Variants in PHF2 observed in about 807,000 individuals in gnomAD.
PHF2 encodes PHD finger protein 2.
PHF2 carries 27 observed loss-of-function variants against 120.5 expected under a neutral mutation model. The ratio of observed to expected loss-of-function variants is 0.22; its 90% confidence interval spans 0.17 to 0.31. The LOEUF (loss-of-function observed/expected upper bound fraction) is 0.31, where lower values mean the gene tolerates loss of function less well. Among genes scored for constraint, PHF2 ranks in the 10% least tolerant of loss-of-function variants. PHF2 has a pLI of 1.00. For synonymous variants in PHF2, 568 were observed against 592.5 expected (o/e 0.96, Z 0.60); for missense variants, 1,024 against 1,434.8 (o/e 0.71, Z 4.63).
At chr9:93,611,895 C>T (rs1380113753) in intron 1 of PHF2, among the ~76,000 whole-genome samples, 1 of 152,200 alleles carries the variant, frequency 6.6e-6, no homozygotes, top group Non-Finnish European at 1.5e-5. Context: ...AAAAATTTGT[C>T]TCCAGTGAGA....
chr9:93,598,800 T>A (rs1157348170), intron 1 of PHF2, among the ~76,000 whole-genome samples: 1 of 152,186 alleles, frequency 6.6e-6, no homozygotes, highest in African/African-American at 2.4e-5. Context: ...TTTAAAATTT[T>A]CATTTTAATC....
intron 2 of PHF2, among the ~76,000 whole-genome samples, chr9:93,636,040 C>G (rs1411441891): frequency 2.6e-5 from 4 of 152,038 alleles, no homozygotes; most frequent in Non-Finnish European, 2.9e-5. Context: ...CTGTGGAAGC[C>G]ATGGGATGGT....
chr9:93,661,462 GATGA>G (rs1465833546), intron 12 of PHF2, among the ~76,000 whole-genome samples: 1 of 152,124 alleles, frequency 6.6e-6, no homozygotes, highest in African/African-American at 2.4e-5. Context: ...CAGACGGATG[GATGA>G]ATGAATGAAT....
At chr9:93,584,495 G>A (rs1044228533) in intron 1 of PHF2, among the ~76,000 whole-genome samples, 17 of 152,276 alleles carry the variant, frequency 1.1e-4, no homozygotes, top group Admixed American at 6.5e-4. Flanking sequence ...ATTTGTTGAT[G>A]ACTATTCTTT....
intron 1 of PHF2, among the ~76,000 whole-genome samples, chr9:93,627,413 C>T (rs1177902870): frequency 6.8e-6 from 1 of 148,106 alleles, no homozygotes; most frequent in Non-Finnish European, 1.5e-5. Context: ...TTAGAGTTTT[C>T]TATATGTAGG....
At chr9:93,644,846 T>TG (rs1229654862) in intron 3 of PHF2, among the ~76,000 whole-genome samples, 1 of 152,174 alleles carries the variant, frequency 6.6e-6, no homozygotes, top group African/African-American at 2.4e-5. Flanking sequence ...GGTGTGTAAA[T>TG]GCTCTGCCAA....
chr9:93,631,300 T>C (rs537288718), intron 2 of PHF2, among the ~76,000 whole-genome samples: 1 of 152,130 alleles, frequency 6.6e-6, no homozygotes. Context: ...CGGTGGGGGC[T>C]GCATGTGTTT....
chr9:93,675,735 G>A lies in PHF2; in HGVS notation c.2778G>A (p.Arg926=), dbSNP rs2118156022. Residue 926 remains arginine, a synonymous_variant, in exon 20 of 22, where the codon CGG becomes CGA. Coordinates refer to ENST00000359246, the MANE Select transcript of PHF2 (RefSeq NM_005392.4). ...ACAGGCCTGTGCGTGAGGGTACACG[G>A]GTGGCTTCCATCGAGACCGGGCTGG... ...RQDRPVREGT[R]VASIETGLAA... 1 of 1,613,182 alleles carries A rather than the reference G, an allele frequency of 6.2e-7. No individual in the cohort carries two copies. Among genetic ancestry groups the A allele is most frequent in the Non-Finnish European group, 8.5e-7 (1 of 1,179,934 alleles).
intron 12 of PHF2, among the ~76,000 whole-genome samples, chr9:93,662,020 GAT>G (rs1826577555): frequency 6.6e-6 from 1 of 151,478 alleles, no homozygotes; most frequent in East Asian, 2.0e-4. Flanking sequence ...TGGATGGGTA[GAT>G]GATGAATGAA....
At chr9:93,674,450 C>T (rs1013239759) in intron 18 of PHF2, among the ~76,000 whole-genome samples, 2 of 152,312 alleles carry the variant, frequency 1.3e-5, no homozygotes, top group African/African-American at 4.8e-5. Flanking sequence ...TTTCACCAAA[C>T]AGAACCTTTC....
In PHF2 at chr9:93,677,593, C is replaced by T. The variant is rs530932207; in HGVS notation, c.3208C>T (p.Arg1070Cys). Residue 1070 changes from arginine (R) to cysteine (C), a missense_variant, in exon 22 of 22, where the codon CGT becomes TGT. Around this residue, in one of 2 missense-constraint regions of PHF2, gnomAD observed 677 missense variants for 857.4 expected, o/e 0.79. Coordinates refer to ENST00000359246, the MANE Select transcript of PHF2 (RefSeq NM_005392.4). This position sits in a 1 kb window ranked among gnomAD's most constrained non-coding sequence, Gnocchi z 4.4. Reference protein sequence around the residue: ...PNNNTAAKGKRTKKGMATAKQ... With the variant: ...PNNNTAAKGKCTKKGMATAKQ... ...CCCCTCCCCGACTCCCCTAGGAAAA[C>T]GTACGAAAAAGGGCATGGCGACCGC... The T allele has an allele frequency of 5.6e-6, 9 of 1,613,406 alleles. No homozygotes were observed. The highest frequency in any genetic ancestry group is 2.2e-5 in the East Asian group (1 of 44,818).
rs773904405 is a variant in PHF2, at chr9:93,658,142, C to T, written c.1148-3C>T. Reference sequence around the variant, plus strand: ...CCCACCTCACCCAGTGTCTCCTTCCCAGGCTCTCACAAATCTGGGAAGCAG... The same window carrying T: ...CCCACCTCACCCAGTGTCTCCTTCCTAGGCTCTCACAAATCTGGGAAGCAG... On this transcript the variant is annotated splice_polypyrimidine_tract_variant and splice_region_variant and intron_variant, in intron 9 of 21. Coordinates refer to ENST00000359246, the MANE Select transcript of PHF2 (RefSeq NM_005392.4). 2 of 1,609,764 alleles carry T rather than the reference C, an allele frequency of 1.2e-6. No individual in the cohort carries two copies. The highest frequency in any genetic ancestry group is 2.7e-5 in the African/African-American group (2 of 74,874).
intron 14 of PHF2, among the ~76,000 whole-genome samples, chr9:93,664,040 C>T (rs1424474779): frequency 5.3e-5 from 8 of 152,212 alleles, no homozygotes; most frequent in African/African-American, 1.9e-4. Context: ...AGCCAGCCTG[C>T]AATGAGGGAT....
At chr9:93,598,135 G>GGAGGCCTGCCATCTGCCTGGT (rs951144196) in intron 1 of PHF2, among the ~76,000 whole-genome samples, 3 of 152,212 alleles carry the variant, frequency 2.0e-5, no homozygotes, top group Admixed American at 6.5e-5. Context: ...CCCCTTGCGG[G>GGAGGCCTGCCATCTGCCTGGT]GAGGCCTGCC....
At chr9:93,631,363 TGAG>T (rs1052905186) in intron 2 of PHF2, among the ~76,000 whole-genome samples, 3 of 152,136 alleles carry the variant, frequency 2.0e-5, no homozygotes, top group African/African-American at 4.8e-5. Flanking sequence ...AAGCGGGTGA[TGAG>T]GAGAAGCTAG....
chr9:93,610,869 C>T (rs1825622214), intron 1 of PHF2, among the ~76,000 whole-genome samples: 3 of 152,162 alleles, frequency 2.0e-5, no homozygotes, highest in Admixed American at 2.0e-4. Context: ...CATTGGGCCT[C>T]CTGCAGCAGT....
chr9:93,666,147 C>A, intron 16 of PHF2, 87 bp downstream of exon 16: 3 of 1,395,976 alleles, frequency 2.1e-6, no homozygotes, highest in Admixed American at 1.8e-5. Flanking sequence ...CCAGGGCGGT[C>A]TCTGGGGGTG....
At position 93,629,962 on chromosome 9, in the gene PHF2, C is replaced by T. The variant is rs758209383; in HGVS notation, c.99-8C>T. ...GCCTAGGTAATGGTCTATTTCGTCTCGTTTCAGCTGTGTTGGGGTGGAAGA... is the reference window on the plus strand; with the variant it reads ...GCCTAGGTAATGGTCTATTTCGTCTTGTTTCAGCTGTGTTGGGGTGGAAGA... On this transcript the variant is annotated splice_region_variant and splice_polypyrimidine_tract_variant and intron_variant, in intron 1 of 21. Transcript: ENST00000359246. 2.3e-5 allele frequency: 37 copies of T among 1,613,944 alleles called. No individual in the cohort carries two copies. The highest frequency in any genetic ancestry group is 1.7e-4 in the Middle Eastern group (1 of 6,056).
chr9:93,673,550 C>T (rs200992138), intron 17 of PHF2, 35 bp from the exon 18 acceptor site: 3 of 1,522,138 alleles, frequency 2.0e-6, no homozygotes, highest in Non-Finnish European at 1.8e-6. Context: ...AGGCCAAGAG[C>T]ACTGGGCTGA....
Sources: gnomAD v4.1 joint callset for allele counts (sites outside exome capture counted in the v4.1 genomes callset) on GRCh38, gnomAD v4.1.1 for gene constraint, gnomAD v4.1.1 regional missense constraint, Gnocchi (gnomAD v3.1) non-coding constraint, MANE v1.5 for transcripts, NCBI Gene and HGNC (gene_info 2026-07-23, HGNC 2026-07-21) for gene names.